TNPO3: variants seen among roughly 807,000 people sequenced by gnomAD.
The protein encoded by TNPO3 is transportin-3.
In TNPO3, 65 loss-of-function variants were observed where a neutral mutation model predicts 122.8. The ratio of observed to expected loss-of-function variants is 0.53; its 90% confidence interval spans 0.43 to 0.65. The LOEUF is 0.65. TNPO3 is among the 30% of genes least tolerant of loss of function. The pLI is 0.00. For synonymous variants in TNPO3, 372 were observed against 411.2 expected (o/e 0.90, Z 1.15); for missense variants, 850 against 1,136.7 (o/e 0.75, Z 3.63).
Position 129,018,191 on chromosome 7 carries a change from A to G in TNPO3, c.121-34T>C, listed in dbSNP as rs538373501. 6.9e-6 allele frequency: 11 copies of G among 1,598,330 alleles called. No individual in the cohort carries two copies. In the Admixed American group the frequency reaches 1.9e-4, roughly 28 times the overall value. On this transcript the variant is annotated intron_variant, in intron 1 of 22. Coordinates refer to ENST00000265388, the MANE Select transcript of TNPO3 (RefSeq NM_012470.4). ...GTATTAGACAAAGATGTCTTAAAGA[A>G]GACTACTTTTCTAATTTTAATGACA...
intron 13 of TNPO3, among the ~76,000 whole-genome samples, chr7:128,983,736 A>G (rs1799871226): frequency 7.1e-6 from 1 of 140,348 alleles, no homozygotes; most frequent in South Asian, 2.4e-4. Context: ...CCCCACTTCA[A>G]GACAGCCCAT....
At chr7:129,055,247 G>GC, upstream of TNPO3, 1 of 162,026 alleles carries the variant, frequency 6.2e-6, no homozygotes, top group Admixed American at 5.8e-5. Flanking sequence ...CCAGGAGCCG[G>GC]GAAGAAGAGC....
intron 16 of TNPO3, among the ~76,000 whole-genome samples, chr7:128,977,024 A>G (rs1799129629): frequency 6.6e-6 from 1 of 152,242 alleles, no homozygotes; most frequent in Admixed American, 6.5e-5. Flanking sequence ...AAAATGACCA[A>G]TAGATAATAC....
In TNPO3 at chr7:129,039,626, C is replaced by T. The variant is rs187405999; in HGVS notation, c.120+15025G>A. ...TTTCAACAGCACTTGTACATGAATG[C>T]ATTATAGCACTATTCACAAACGATA... On this transcript the variant is annotated intron_variant, in intron 1 of 22. Transcript: ENST00000265388. 9.2e-5 allele frequency among the ~76,000 whole-genome samples: 14 copies of T among 152,198 alleles called. No individual in the cohort carries two copies. In the East Asian group the frequency reaches 1.9e-3, roughly 21 times the overall value.
chr7:128,972,449 T>G lies in TNPO3; in HGVS notation c.2407A>C (p.Ile803Leu), dbSNP rs1798586921. 1 of 1,613,770 alleles carries G rather than the reference T, an allele frequency of 6.2e-7. No individual in the cohort carries two copies. Among genetic ancestry groups the G allele is most frequent in the Non-Finnish European group, 8.5e-7 (1 of 1,179,892 alleles). Residue 803 changes from isoleucine (I) to leucine (L), a missense_variant, in exon 19 of 23, where the codon ATT (isoleucine) becomes CTT (leucine). Ile to Leu is a conservative substitution (Grantham distance 5, BLOSUM62 2). Coordinates refer to ENST00000265388, the MANE Select transcript of TNPO3 (RefSeq NM_012470.4). ...CSVMRFLRDLIHTGVANDHEE... is the reference protein window; with the variant it reads ...CSVMRFLRDLLHTGVANDHEE... The stretch of plus-strand genomic sequence containing the variant: ...ACATCATTGGCTACCCCTGTATGAA[T>G]GAGGTCTCGTAGAAACCTCATGACA...
In TNPO3 at chr7:128,979,328, T is replaced by C. The variant is rs141992296; in HGVS notation, c.1921-205A>G. Among the ~76,000 whole-genome samples, 1,776 of 152,328 alleles carry C rather than the reference T, an allele frequency of 0.012. 70 individuals carry two copies. Among genetic ancestry groups the C allele is most frequent in the Admixed American group, 0.076 (1,163 of 15,296 alleles). ...TTAACAAGAGAAAACAGTGCCTCTT[T>C]AGAACTGGAAGAGCATGTCTAACTT... On this transcript the variant is annotated intron_variant, in intron 15 of 22. Transcript: ENST00000265388.
At position 129,015,011 on chromosome 7, in the gene TNPO3, C is replaced by T; in HGVS notation, c.520G>A (p.Ala174Thr). 6.2e-7 allele frequency: 1 copy of T among 1,611,550 alleles called. No homozygotes were observed. Among genetic ancestry groups the T allele is most frequent in the Non-Finnish European group, 8.5e-7 (1 of 1,179,612 alleles). ...GATACTACTGTACTAGAGTAGAAGG[C>T]CAAATCTTCTATAATTTCTGTGCGC... Reference protein sequence around the residue: ...NRRTEIIEDLAFYSSTVVSLL... With the variant: ...NRRTEIIEDLTFYSSTVVSLL... Residue 174 changes from alanine (A) to threonine (T), a missense_variant, in exon 4 of 23, where the codon GCC (alanine) becomes ACC (threonine). Ala to Thr is a moderately conservative substitution (Grantham distance 58, BLOSUM62 0). Transcript: ENST00000265388.
rs570925545 is a variant in TNPO3 at position 128,957,122 on chromosome 7, T to C, written c.*31+102A>G. On this transcript the variant is annotated intron_variant, in intron 22 of 22. Coordinates refer to ENST00000265388, the MANE Select transcript of TNPO3 (RefSeq NM_012470.4). ...TGCTGAGTCCTTCCCTGACTCTAGC[T>C]ATAAGACTGGTCCCATGATAGGCAT... 5.7e-5 allele frequency: 56 copies of C among 980,494 alleles called. No individual in the cohort carries two copies. The Admixed American group carries it at 7.5e-4, about 13-fold the overall frequency. 60.7% of individuals were successfully genotyped at this position (980,494 alleles called of 1,614,324 possible). A position where few individuals can be genotyped will look rare whatever the true frequency, so the allele number is the denominator to read the frequency against.
intron 7 of TNPO3, among the ~76,000 whole-genome samples, 189 bp downstream of exon 7, chr7:129,000,240 A>C (rs1394712372): frequency 6.6e-6 from 1 of 152,242 alleles, no homozygotes. Flanking sequence ...GTAAGAAAAC[A>C]GAAATGGACA....
At chr7:129,036,755 C>A (rs1454188141) in intron 1 of TNPO3, among the ~76,000 whole-genome samples, 3 of 151,708 alleles carry the variant, frequency 2.0e-5, no homozygotes, top group Non-Finnish European at 2.9e-5. Flanking sequence ...ACTTAGAAGA[C>A]AAAACTGGAG....
At chr7:128,976,598 C>T (rs752217160) in intron 16 of TNPO3, among the ~76,000 whole-genome samples, 12 of 152,086 alleles carry the variant, frequency 7.9e-5, no homozygotes, top group East Asian at 3.9e-4. Flanking sequence ...CTCAGCCTCC[C>T]GAGCAGCTGG....
intron 1 of TNPO3, among the ~76,000 whole-genome samples, chr7:129,036,086 TG>T (rs1806632641): frequency 6.6e-6 from 1 of 151,848 alleles, no homozygotes; most frequent in South Asian, 2.1e-4. Context: ...CCCGAGTAGC[TG>T]GGACTCCAGG....
intron 22 of TNPO3, 136 bp downstream of exon 22, chr7:128,957,088 C>T (rs1796972552): frequency 4.0e-6 from 3 of 740,756 alleles, no homozygotes; most frequent in Admixed American, 2.3e-5. Context: ...CTGTTCACCA[C>T]AGTTAAACTG....
At chr7:128,963,011 G>A (rs1037857871) in intron 21 of TNPO3, among the ~76,000 whole-genome samples, 3 of 152,158 alleles carry the variant, frequency 2.0e-5, no homozygotes, top group Non-Finnish European at 4.4e-5. Flanking sequence ...CAGAATGTGT[G>A]GGTGGCTGCC....
At chr7:129,026,947 G>A (rs540995019) in intron 1 of TNPO3, among the ~76,000 whole-genome samples, 4 of 151,568 alleles carry the variant, frequency 2.6e-5, no homozygotes, top group East Asian at 1.9e-4. Flanking sequence ...CATACATCAC[G>A]GCACCCAGCT....
At chr7:128,984,054 A>G (rs1799902789) in intron 13 of TNPO3, 114 bp downstream of exon 13, 1 of 553,228 alleles carries the variant, frequency 1.8e-6, no homozygotes, top group Non-Finnish European at 3.0e-6. Context: ...TTCTTAGTGC[A>G]TTTTCTTGGA....
chr7:129,050,940 G>A (rs1808688054), intron 1 of TNPO3, among the ~76,000 whole-genome samples: 1 of 152,168 alleles, frequency 6.6e-6, no homozygotes, highest in South Asian at 2.1e-4. Context: ...GAATTCCCTA[G>A]GACAGTGTTT....
At chr7:128,978,144 C>G (rs1482511248) in intron 16 of TNPO3, among the ~76,000 whole-genome samples, 1 of 152,234 alleles carries the variant, frequency 6.6e-6, no homozygotes, top group Admixed American at 6.5e-5. Flanking sequence ...CCTGGCCCTG[C>G]TCTAAGGTTA....
intron 3 of TNPO3, among the ~76,000 whole-genome samples, chr7:129,016,170 A>G (rs1046589496): frequency 6.6e-6 from 1 of 152,148 alleles, no homozygotes; most frequent in Non-Finnish European, 1.5e-5. Flanking sequence ...TGGGAGGCCG[A>G]GGTGGGCAGA....
Sources: allele counts gnomAD v4.1 joint callset (sites outside exome capture counted in the v4.1 genomes callset), GRCh38; gene constraint gnomAD v4.1.1; transcripts MANE v1.5; gene names NCBI Gene and HGNC (gene_info 2026-07-23, HGNC 2026-07-21).